The following FOXF2 variants were observed in gnomAD, a reference collection of about 807,000 sequenced individuals.
FOXF2 encodes forkhead box F2.
Under a neutral mutation model 29.1 loss-of-function variants are expected in FOXF2, and 15 were observed. The observed-to-expected ratio is 0.52, with a 90% confidence interval of 0.35 to 0.79. FOXF2 has a LOEUF of 0.79. FOXF2 is among the 30% of genes least tolerant of loss of function. FOXF2 has a pLI of 0.01. For synonymous variants in FOXF2, 337 were observed against 316.5 expected (o/e 1.06, Z -0.69); for missense variants, 675 against 667.1 (o/e 1.01, Z -0.13).
intron 1 of FOXF2, among the ~76,000 whole-genome samples, chr6:1,394,052 C>A (rs1758851485): frequency 6.6e-6 from 1 of 152,238 alleles, no homozygotes; most frequent in African/African-American, 2.4e-5. Flanking sequence ...GAAGTCCCGG[C>A]TTCTCTAGAG....
In FOXF2 at chr6:1,390,286, C is replaced by G; in HGVS notation, c.339C>G (p.Ile113Met). The G allele has an allele frequency of 1.2e-6, 2 of 1,612,828 alleles. No individual in the cohort carries two copies. Among genetic ancestry groups the G allele is most frequent in the Non-Finnish European group, 1.7e-6 (2 of 1,179,846 alleles). ...YSYIALIVMA[I>M]QSSPSKRLTL... ...ACATCGCGCTCATCGTCATGGCCAT[C>G]CAGAGCTCGCCCAGCAAGCGCCTGA... Residue 113 changes from isoleucine to methionine, a missense_variant, in exon 1 of 2, where the codon ATC becomes ATG. By Grantham distance (10) the Ile-to-Met change is conservative. Around this residue, in one of 3 missense-constraint regions of FOXF2, gnomAD observed 220 missense variants for 205.5 expected, o/e 1.07. Coordinates refer to ENST00000645481, the MANE Select transcript of FOXF2 (RefSeq NM_001452.2). The surrounding 1 kb of genome is among the most constrained non-coding windows in gnomAD (Gnocchi z 8.5).
rs1310529961 is a variant in FOXF2, at chr6:1,395,487, T to G, written c.*628T>G. On this transcript the variant is annotated 3_prime_UTR_variant, in exon 2 of 2. Transcript: ENST00000645481. Reference sequence around the variant, plus strand: ...AAGATATTTTTATGACCGTGTATACTCACACTTTGCTTGTATTTTAAAAGG... The same window carrying G: ...AAGATATTTTTATGACCGTGTATACGCACACTTTGCTTGTATTTTAAAAGG... The G allele has an allele frequency of 6.5e-6, 1 of 153,378 alleles. No homozygotes were observed. 9.5% of individuals were successfully genotyped at this position (153,378 alleles called of 1,614,324 possible).
intron 1 of FOXF2, among the ~76,000 whole-genome samples, chr6:1,391,943 G>A (rs926805978): frequency 3.3e-5 from 5 of 152,230 alleles, no homozygotes; most frequent in Admixed American, 6.5e-5. Context: ...GGTAGGGATG[G>A]AAGAGGGAAT....
At chr6:1,392,831 G>A (rs1355855487) in intron 1 of FOXF2, among the ~76,000 whole-genome samples, 1 of 152,236 alleles carries the variant, frequency 6.6e-6, no homozygotes, top group Non-Finnish European at 1.5e-5. Context: ...CCCGCGGCCG[G>A]CCTTCCCTGG....
In FOXF2 at chr6:1,390,176, G is replaced by C; in HGVS notation, c.229G>C (p.Gly77Arg). The C allele has an allele frequency of 6.9e-7, 1 of 1,456,840 alleles. No homozygotes were observed. Among genetic ancestry groups the C allele is most frequent in the Admixed American group, 2.7e-5 (1 of 37,288 alleles). 90.2% of individuals were successfully genotyped at this position (1,456,840 alleles called of 1,614,324 possible). Residue 77 changes from glycine to arginine, a missense_variant, in exon 1 of 2, where the codon GGC (glycine) becomes CGC (arginine). This residue lies in a region of FOXF2 where 220 missense variants were observed against 205.5 expected (regional missense o/e 1.07). Coordinates refer to ENST00000645481, the MANE Select transcript of FOXF2 (RefSeq NM_001452.2). This position sits in a 1 kb window ranked among gnomAD's most constrained non-coding sequence, Gnocchi z 8.5. ...CCCCTCGGCTGCCTGCAAGAGCGCG[G>C]GCGGCGGCGGCGCGGGCGCCGGGAG... The part of the protein sequence containing the change: ...SAPSAACKSA[G>R]GGGAGAGSGG...
In FOXF2 at chr6:1,390,041, CCCGCCGCCGCCGCCGCCG is replaced by C. The variant is rs747033801; in HGVS notation, c.106_123del (p.Ala36_Ala41del). 3.0e-5 allele frequency: 41 copies of C among 1,354,830 alleles called. No homozygotes were observed. Among genetic ancestry groups the C allele is most frequent in the African/African-American group, 7.7e-5 (5 of 64,564 alleles). The allele number at this position is 1,354,830 out of a possible 1,614,324, so 83.9% of individuals were successfully genotyped here. On this transcript the variant is annotated inframe_deletion, in exon 1 of 2. Coordinates refer to ENST00000645481, the MANE Select transcript of FOXF2 (RefSeq NM_001452.2). The surrounding 1 kb of genome is among the most constrained non-coding windows in gnomAD (Gnocchi z 8.5). ...CCAGGCCGCCCTGATGAGCCCGCCGCCCGCCGCCGCCGCCGCCGCCGCCGCCGCCCCGGAGACCACCTC... is the reference window on the plus strand; with the variant it reads ...CCAGGCCGCCCTGATGAGCCCGCCGCCCGCCGCCGCCCCGGAGACCACCTC...
chr6:1,392,178 G>A (rs1190246828), intron 1 of FOXF2, among the ~76,000 whole-genome samples: 1 of 152,116 alleles, frequency 6.6e-6, no homozygotes, highest in Non-Finnish European at 1.5e-5. Flanking sequence ...GAGCACCCGG[G>A]GAGAAGGAAA....
At position 1,390,199 on chromosome 6, in the gene FOXF2, G is replaced by A. The variant is rs1758751236; in HGVS notation, c.252G>A (p.Gly84=). The A allele has an allele frequency of 6.6e-7, 1 of 1,508,882 alleles. No homozygotes were observed. The highest frequency in any genetic ancestry group is 1.3e-5 in the South Asian group (1 of 78,910). 93.5% of individuals were successfully genotyped at this position (1,508,882 alleles called of 1,614,324 possible). A position where few individuals can be genotyped will look rare whatever the true frequency, so the allele number is the denominator to read the frequency against. ...KSAGGGGAGA[G]SGGAKKASSG... ...CGGGCGGCGGCGGCGCGGGCGCCGG[G>A]AGCGGGGGCGCCAAGAAGGCGAGCT... Residue 84 remains glycine, a synonymous_variant, in exon 1 of 2, where the codon GGG becomes GGA. Coordinates refer to ENST00000645481, the MANE Select transcript of FOXF2 (RefSeq NM_001452.2). The surrounding 1 kb of genome is among the most constrained non-coding windows in gnomAD (Gnocchi z 8.5).
chr6:1,390,052 C>T lies in FOXF2; in HGVS notation c.105C>T (p.Ala35=). Reference sequence around the variant, plus strand: ...TGATGAGCCCGCCGCCCGCCGCCGCCGCCGCCGCCGCCGCCGCCCCGGAGA... The same window carrying T: ...TGATGAGCCCGCCGCCCGCCGCCGCTGCCGCCGCCGCCGCCGCCCCGGAGA... The part of the protein sequence containing the change: ...AALMSPPPAA[A]AAAAAAPETT... The change falls in exon 1 of 2, where the codon GCC becomes GCT. Residue 35 remains alanine (A), a synonymous_variant. Coordinates refer to ENST00000645481, the MANE Select transcript of FOXF2 (RefSeq NM_001452.2). This position sits in a 1 kb window ranked among gnomAD's most constrained non-coding sequence, Gnocchi z 8.5. 1 of 1,378,656 alleles carries T rather than the reference C, an allele frequency of 7.3e-7. No homozygotes were observed. The highest frequency in any genetic ancestry group is 1.5e-5 in the South Asian group (1 of 65,508). 85.4% of individuals were successfully genotyped at this position (1,378,656 alleles called of 1,614,324 possible).
intron 1 of FOXF2, 43 bp from the exon 2 acceptor site, chr6:1,394,653 T>C: frequency 6.2e-7 from 1 of 1,607,178 alleles, no homozygotes; most frequent in Non-Finnish European, 8.5e-7. Flanking sequence ...ATCCACTGGA[T>C]GACTTTGTTT....
In FOXF2 at chr6:1,390,295, G is replaced by T. The variant is rs772355846; in HGVS notation, c.348G>T (p.Ser116=). ...TCATCGTCATGGCCATCCAGAGCTC[G>T]CCCAGCAAGCGCCTGACGCTCAGCG... The part of the protein sequence containing the change: ...IALIVMAIQS[S]PSKRLTLSEI... The change falls in exon 1 of 2, where the codon TCG becomes TCT. Residue 116 remains serine (S), a synonymous_variant. Coordinates refer to ENST00000645481, the MANE Select transcript of FOXF2 (RefSeq NM_001452.2). This position sits in a 1 kb window ranked among gnomAD's most constrained non-coding sequence, Gnocchi z 8.5. 1.9e-6 allele frequency: 3 copies of T among 1,612,826 alleles called. No homozygotes were observed. Among genetic ancestry groups the T allele is most frequent in the African/African-American group, 1.3e-5 (1 of 74,886 alleles).
At chr6:1,392,244 G>A (rs368230242) in intron 1 of FOXF2, among the ~76,000 whole-genome samples, 2 of 152,252 alleles carry the variant, frequency 1.3e-5, no homozygotes, top group African/African-American at 4.8e-5. Context: ...TCCCAAATAG[G>A]CCTTTTAAAT....
chr6:1,394,880 G>C lies in FOXF2; in HGVS notation c.*21G>C. On this transcript the variant is annotated 3_prime_UTR_variant, in exon 2 of 2. Coordinates refer to ENST00000645481, the MANE Select transcript of FOXF2 (RefSeq NM_001452.2). ...TGTGAACGGAAAGAGGCCAAGCGAT[G>C]GCCGCTCTCTCCTCTCCCCTCCTCA... is the stretch of plus-strand genomic sequence containing the variant. 1 of 1,613,644 alleles carries C rather than the reference G, an allele frequency of 6.2e-7. No homozygotes were observed. Among genetic ancestry groups the C allele is most frequent in the Non-Finnish European group, 8.5e-7 (1 of 1,179,596 alleles).
intron 1 of FOXF2, among the ~76,000 whole-genome samples, chr6:1,392,477 C>CACACACACACACACACA (rs3063208): frequency 6.7e-6 from 1 of 149,480 alleles, no homozygotes; most frequent in African/African-American, 2.4e-5. Context: ...CACACACACA[C>CACACACACACACACACA]CCCTCGGTGC....
At chr6:1,392,639 A>G (rs985758373) in intron 1 of FOXF2, among the ~76,000 whole-genome samples, 5 of 142,320 alleles carry the variant, frequency 3.5e-5, no homozygotes, top group African/African-American at 1.4e-4. Flanking sequence ...CTCTAGGAAG[A>G]AAAAAAAGCA....
chr6:1,394,527 C>T (rs888903775), intron 1 of FOXF2, among the ~76,000 whole-genome samples, 169 bp from the exon 2 acceptor site: 1 of 152,178 alleles, frequency 6.6e-6, no homozygotes, highest in Admixed American at 6.5e-5. Flanking sequence ...CTATGACGTG[C>T]AGTTGGTGTG....
Position 1,395,111 on chromosome 6 carries a change from G to C in FOXF2, c.*252G>C, listed in dbSNP as rs1031862759. 27 of 547,952 alleles carry C rather than the reference G, an allele frequency of 4.9e-5. No individual in the cohort carries two copies. The allele number at this position is 547,952 out of a possible 1,614,324, so 33.9% of individuals were successfully genotyped here. A position where few individuals can be genotyped will look rare whatever the true frequency, so the allele number is the denominator to read the frequency against. Reference sequence around the variant, plus strand: ...CCACATGAGGGAGAGGGCAGACTCAGGTGGGAAGATGTGCCATGCGTAAGG... The same window carrying C: ...CCACATGAGGGAGAGGGCAGACTCACGTGGGAAGATGTGCCATGCGTAAGG... On this transcript the variant is annotated 3_prime_UTR_variant, in exon 2 of 2. Transcript: ENST00000645481.
rs778734453 is a variant in FOXF2 at position 1,390,217 on chromosome 6, G to A, written c.270G>A (p.Lys90=). The change falls in exon 1 of 2, where the codon AAG becomes AAA. Residue 90 remains lysine, a synonymous_variant. Transcript: ENST00000645481. This position sits in a 1 kb window ranked among gnomAD's most constrained non-coding sequence, Gnocchi z 8.5. ...GCGCCGGGAGCGGGGGCGCCAAGAA[G>A]GCGAGCTCGGGGCTGCGGCGGCCCG... is the stretch of plus-strand genomic sequence containing the variant. ...GAGAGSGGAK[K]ASSGLRRPEK... is the part of the protein sequence containing the mutation. 17 of 1,568,024 alleles carry A rather than the reference G, an allele frequency of 1.1e-5. No individual in the cohort carries two copies. The highest frequency in any genetic ancestry group is 1.4e-5 in the African/African-American group (1 of 71,774).
At chr6:1,391,211 C>A in intron 1 of FOXF2, 93 bp downstream of exon 1, 1 of 1,560,438 alleles carries the variant, frequency 6.4e-7, no homozygotes, top group South Asian at 1.2e-5. Context: ...ACAGGGACCC[C>A]GAAGCTAGGA....
Sources: allele counts gnomAD v4.1 joint callset (sites outside exome capture counted in the v4.1 genomes callset), GRCh38; gene constraint gnomAD v4.1.1; regional missense constraint gnomAD v4.1.1; non-coding constraint Gnocchi (gnomAD v3.1); transcripts MANE v1.5; gene names NCBI Gene and HGNC (gene_info 2026-07-23, HGNC 2026-07-21).